The following DNAAF11 variants were observed in gnomAD, a reference collection of about 807,000 sequenced individuals.
DNAAF11 encodes the protein leucine rich repeat containing 6.
In DNAAF11, 45 loss-of-function variants were observed where a neutral mutation model predicts 60.8. The ratio of observed to expected loss-of-function variants is 0.74; its 90% CI spans 0.58 to 0.95. The LOEUF (loss-of-function observed/expected upper bound fraction) is 0.95. Ranked by LOEUF, DNAAF11 falls within the 40% of genes least tolerant of loss-of-function variation. The pLI, the probability that DNAAF11 is intolerant of heterozygous loss-of-function variation, is 0.00. For synonymous variants in DNAAF11, 191 were observed against 183.5 expected (o/e 1.04, Z -0.33); for missense variants, 546 against 546.2 (o/e 1.00, Z 0.00).
intron 10 of DNAAF11, 143 bp from the exon 11 acceptor site, chr8:132,583,922 C>T: frequency 1.6e-6 from 1 of 631,848 alleles, no homozygotes; most frequent in Non-Finnish European, 2.8e-6. Context: ...ACTTGAAGCC[C>T]CTATATGCAG....
At chr8:132,629,641 C>T (rs1820615568) in intron 5 of DNAAF11, among the ~76,000 whole-genome samples, 1 of 152,076 alleles carries the variant, frequency 6.6e-6, no homozygotes, top group African/African-American at 2.4e-5. Flanking sequence ...GCCACTGCGC[C>T]CGGCCCAGAT....
rs1425448748 is a variant in DNAAF11, at chr8:132,571,420, T to C, written c.*886A>G. Among the ~76,000 whole-genome samples, 1 of 152,064 alleles carries C rather than the reference T, an allele frequency of 6.6e-6. No homozygotes were observed. The highest frequency in any genetic ancestry group is 2.4e-5 in the African/African-American group (1 of 41,384). The stretch of plus-strand genomic sequence containing the variant: ...TGTATGTGAAATATTGAATTCATAA[T>C]GTTCTAGATAAAGAAGAGGTAGGAT... On this transcript the variant is annotated 3_prime_UTR_variant, in exon 12 of 12. Transcript: ENST00000620350.
At chr8:132,693,448 A>AGTGTGTGT in the DNAAF11 span, among the ~76,000 whole-genome samples, 1 of 148,472 alleles carries the variant, frequency 6.7e-6, no homozygotes, top group African/African-American at 2.5e-5. Flanking sequence ...AATGTATGTG[A>AGTGTGTGT]GTGTGTGTGT....
chr8:132,644,591 A>T (rs1822180432), intron 3 of DNAAF11, among the ~76,000 whole-genome samples: 1 of 152,174 alleles, frequency 6.6e-6, no homozygotes, highest in Non-Finnish European at 1.5e-5. Flanking sequence ...AGGCAAGGGA[A>T]GCCATGACCA....
At chr8:132,691,722 C>G in the DNAAF11 span, among the ~76,000 whole-genome samples, 28 of 152,212 alleles carry the variant, frequency 1.8e-4, no homozygotes, top group Middle Eastern at 3.4e-3. Flanking sequence ...CACTCATTAT[C>G]ATGAGAACAG....
chr8:132,698,353 T>C, the DNAAF11 span, among the ~76,000 whole-genome samples: 1 of 143,002 alleles, frequency 7.0e-6, no homozygotes, highest in Non-Finnish European at 1.5e-5. Flanking sequence ...AGAACATAGA[T>C]CTTCTGACCC....
At chr8:132,648,466 C>G (rs933196602) in intron 3 of DNAAF11, among the ~76,000 whole-genome samples, 7 of 152,286 alleles carry the variant, frequency 4.6e-5, no homozygotes, top group African/African-American at 1.4e-4. Context: ...GGGATGCCCT[C>G]TCTCACCACT....
At chr8:132,665,063 A>C (rs772777888) in intron 1 of DNAAF11, among the ~76,000 whole-genome samples, 5 of 152,144 alleles carry the variant, frequency 3.3e-5, no homozygotes, top group Non-Finnish European at 5.9e-5. Flanking sequence ...AAAGAAAATA[A>C]ATAATTGCAG....
At chr8:132,633,533 T>C (rs1821010155) in intron 4 of DNAAF11, among the ~76,000 whole-genome samples, 1 of 152,228 alleles carries the variant, frequency 6.6e-6, no homozygotes, top group African/African-American at 2.4e-5. Flanking sequence ...TAAAGATACC[T>C]ATTTATCTAC....
intron 1 of DNAAF11, among the ~76,000 whole-genome samples, chr8:132,668,900 C>T (rs1026521802): frequency 8.5e-5 from 13 of 152,334 alleles, no homozygotes; most frequent in African/African-American, 3.1e-4. Context: ...AGACAGCCCT[C>T]TGCTGCCCAC....
Position 132,610,220 on chromosome 8 carries a change from A to G in DNAAF11, c.1086T>C (p.Ser362=), listed in dbSNP as rs1818517534. ...TTGTCTGAGATCTTTTAGCAGAACT[A>G]CTATCGGGTTTCACTTCTGCAGGAA... ...LVLPAEVKPD[S]SSAKRSQTTG... Residue 362 remains serine (S), a synonymous_variant, in exon 10 of 12, where the codon AGT becomes AGC. Coordinates refer to ENST00000620350, the MANE Select transcript of DNAAF11 (RefSeq NM_012472.6). The G allele has an allele frequency of 2.5e-6, 4 of 1,614,042 alleles. No homozygotes were observed. The highest frequency in any genetic ancestry group is 2.2e-5 in the South Asian group (2 of 91,078).
chr8:132,651,677 T>C (rs956292029), intron 3 of DNAAF11, among the ~76,000 whole-genome samples: 1 of 152,090 alleles, frequency 6.6e-6, no homozygotes, highest in Non-Finnish European at 1.5e-5. Flanking sequence ...CAAACAGAAC[T>C]CATACGGTGT....
chr8:132,600,160 C>T (rs982607661), intron 10 of DNAAF11, among the ~76,000 whole-genome samples: 2 of 152,124 alleles, frequency 1.3e-5, no homozygotes, highest in African/African-American at 4.8e-5. Context: ...CATGAGTGAA[C>T]TCCCATTCAC....
the DNAAF11 span, among the ~76,000 whole-genome samples, chr8:132,700,603 G>A: frequency 6.6e-6 from 1 of 152,048 alleles, no homozygotes; most frequent in African/African-American, 2.4e-5. Flanking sequence ...CAGGAGGATT[G>A]CTTGAGCCCA....
intron 10 of DNAAF11, among the ~76,000 whole-genome samples, chr8:132,609,437 T>G (rs1160281757): frequency 1.3e-5 from 2 of 152,112 alleles, no homozygotes; most frequent in African/African-American, 4.8e-5. Flanking sequence ...AATCCATGGA[T>G]GCTGAACCCA....
chr8:132,579,141 T>C (rs1197745577), intron 11 of DNAAF11, among the ~76,000 whole-genome samples: 3 of 152,186 alleles, frequency 2.0e-5, no homozygotes, highest in Admixed American at 2.0e-4. Flanking sequence ...TGGCAGTGTT[T>C]TTCTCTGCAG....
At chr8:132,622,759 C>T in intron 6 of DNAAF11, 71 bp from the exon 7 acceptor site, 1 of 1,025,174 alleles carries the variant, frequency 9.8e-7, no homozygotes, top group Non-Finnish European at 1.5e-6. Flanking sequence ...AATATAAAAG[C>T]AATTAATACA....
At chr8:132,583,996 T>C (rs1815619856) in intron 10 of DNAAF11, among the ~76,000 whole-genome samples, 1 of 152,148 alleles carries the variant, frequency 6.6e-6, no homozygotes, top group African/African-American at 2.4e-5. Context: ...ACAAGCTATC[T>C]ACAACTGCCA....
intron 10 of DNAAF11, among the ~76,000 whole-genome samples, chr8:132,589,053 G>T (rs1428426108): frequency 6.6e-6 from 1 of 152,124 alleles, no homozygotes; most frequent in Non-Finnish European, 1.5e-5. Flanking sequence ...CATGAGATTT[G>T]GGTGGGGAAA....
Sources: allele counts gnomAD v4.1 joint callset (sites outside exome capture counted in the v4.1 genomes callset), GRCh38; gene constraint gnomAD v4.1.1; transcripts MANE v1.5; gene names NCBI Gene and HGNC (gene_info 2026-07-23, HGNC 2026-07-21).